Variants in PMEPA1 observed in about 807,000 individuals in gnomAD.
PMEPA1 encodes the protein protein TMEPAI.
PMEPA1 carries 11 observed loss-of-function variants against 23.0 expected under a neutral mutation model. The observed-to-expected ratio is 0.48, with a 90% CI of 0.30 to 0.79. The LOEUF (loss-of-function observed/expected upper bound fraction) is 0.79. PMEPA1 is among the 30% of genes least tolerant of loss of function. The pLI is 0.06. For synonymous variants in PMEPA1, 204 were observed against 166.4 expected, an observed-to-expected ratio of 1.23 and a Z score of -1.74; for missense variants, 377 against 390.9, an observed-to-expected ratio of 0.96 and a Z score of 0.30.
At position 57,682,481 on chromosome 20, in the gene PMEPA1, G is replaced by A. The variant is rs2071732862; in HGVS notation, c.110-22784C>T. 6.6e-6 allele frequency among the ~76,000 whole-genome samples: 1 copy of A among 152,164 alleles called. No homozygotes were observed. The highest frequency in any genetic ancestry group is 2.4e-5 in the African/African-American group (1 of 41,426). Reference sequence around the variant, plus strand: ...TCCCTGGAGTGTCGGGGTCCTAGGCGCCGGCCCAGAGGAGTTTCAAAGTCA... The same window carrying A: ...TCCCTGGAGTGTCGGGGTCCTAGGCACCGGCCCAGAGGAGTTTCAAAGTCA... On this transcript the variant is annotated intron_variant, in intron 1 of 3. Transcript: ENST00000341744. The surrounding 1 kb of genome is among the most constrained non-coding windows in gnomAD (Gnocchi z 4.4).
intron 1 of PMEPA1, among the ~76,000 whole-genome samples, chr20:57,699,169 A>T (rs2071979450): frequency 6.6e-6 from 1 of 152,206 alleles, no homozygotes; most frequent in Non-Finnish European, 1.5e-5. Context: ...CAGCTTGTGC[A>T]GTCTGTGGGT....
chr20:57,652,386 T>C lies in PMEPA1; in HGVS notation c.531A>G (p.Glu177=), dbSNP rs1406245452. 2 of 1,613,730 alleles carry C rather than the reference T, an allele frequency of 1.2e-6. No homozygotes were observed. Among genetic ancestry groups the C allele is most frequent in the Non-Finnish European group, 1.7e-6 (2 of 1,179,892 alleles). Residue 177 remains glutamate (E), a synonymous_variant, in exon 4 of 4, where the codon GAA becomes GAG. Coordinates refer to ENST00000341744, the MANE Select transcript of PMEPA1 (RefSeq NM_020182.5). The surrounding 1 kb of genome is among the most constrained non-coding windows in gnomAD (Gnocchi z 6.1). The part of the protein sequence containing the change: ...LQLRDPEQQL[E]LNRESVRAPP... Reference sequence around the variant, plus strand: ...GTGCGCGCACCGACTCCCGGTTCAGTTCCAGCTGCTGCTCGGGGTCCCGAA... The same window carrying C: ...GTGCGCGCACCGACTCCCGGTTCAGCTCCAGCTGCTGCTCGGGGTCCCGAA...
At chr20:57,698,803 G>A (rs1005233166) in intron 1 of PMEPA1, among the ~76,000 whole-genome samples, 28 of 152,160 alleles carry the variant, frequency 1.8e-4, no homozygotes, top group African/African-American at 6.0e-4. Flanking sequence ...AAGTCAGCAC[G>A]TACATATAGA....
At chr20:57,698,449 G>T (rs1191430761) in intron 1 of PMEPA1, among the ~76,000 whole-genome samples, 1 of 152,158 alleles carries the variant, frequency 6.6e-6, no homozygotes, top group Non-Finnish European at 1.5e-5. Flanking sequence ...ATAACGAGGA[G>T]GCATAGACAC....
At chr20:57,653,159 C>T (rs1033001641) in intron 2 of PMEPA1, 73 bp from the exon 3 acceptor site, 4 of 1,251,136 alleles carry the variant, frequency 3.2e-6, no homozygotes, top group Non-Finnish European at 3.4e-6. Context: ...AACCCAGATT[C>T]GACTCTTAGG....
chr20:57,701,841 C>T (rs1245696039), intron 1 of PMEPA1, among the ~76,000 whole-genome samples: 3 of 152,122 alleles, frequency 2.0e-5, no homozygotes, highest in Non-Finnish European at 4.4e-5. Context: ...TCCCTTCATC[C>T]AACGCACATG....
intron 1 of PMEPA1, among the ~76,000 whole-genome samples, chr20:57,664,488 A>G (rs1317073542): frequency 6.6e-6 from 1 of 152,200 alleles, no homozygotes; most frequent in Admixed American, 6.5e-5. Context: ...AGTTCAAAAC[A>G]TGATGTGTGT....
intron 1 of PMEPA1, among the ~76,000 whole-genome samples, chr20:57,661,126 T>C (rs2071413054): frequency 6.6e-6 from 1 of 152,184 alleles, no homozygotes; most frequent in Admixed American, 6.5e-5. Context: ...TTTCTAAGGT[T>C]GGGTTTTTTT....
intron 1 of PMEPA1, among the ~76,000 whole-genome samples, chr20:57,702,410 G>A (rs546757451): frequency 6.6e-5 from 10 of 152,324 alleles, no homozygotes; most frequent in Admixed American, 1.3e-4. Context: ...GACAAGGCAC[G>A]TGTGTTTTGG....
chr20:57,653,595 T>C (rs1385195356), intron 2 of PMEPA1, among the ~76,000 whole-genome samples: 1 of 152,232 alleles, frequency 6.6e-6, no homozygotes, highest in Non-Finnish European at 1.5e-5. Context: ...AATTTGAATG[T>C]AAAAACCACC....
At position 57,650,741 on chromosome 20, in the gene PMEPA1, A is replaced by G. The variant is rs2071214316; in HGVS notation, c.*1312T>C. On this transcript the variant is annotated 3_prime_UTR_variant, in exon 4 of 4. Coordinates refer to ENST00000341744, the MANE Select transcript of PMEPA1 (RefSeq NM_020182.5). ...CTTTCACCTATCCTGGGAGAAACCCAGGCTTGTCACCTTTTCATGTTGGGT... is the reference window on the plus strand; with the variant it reads ...CTTTCACCTATCCTGGGAGAAACCCGGGCTTGTCACCTTTTCATGTTGGGT... 1 of 151,918 alleles carries G rather than the reference A, an allele frequency of 6.6e-6. No individual in the cohort carries two copies. The highest frequency in any genetic ancestry group is 1.5e-5 in the Non-Finnish European group (1 of 68,052). 9.4% of individuals were successfully genotyped at this position (151,918 alleles called of 1,614,324 possible). A position where few individuals can be genotyped will look rare whatever the true frequency, so the allele number is the denominator to read the frequency against.
In PMEPA1 at chr20:57,652,927, G is replaced by T; in HGVS notation, c.318+106C>A. On this transcript the variant is annotated intron_variant, in intron 3 of 3. Transcript: ENST00000341744. The surrounding 1 kb of genome is among the most constrained non-coding windows in gnomAD (Gnocchi z 6.1). ...ATCCCAGCAGCAAGGGCACTGCAGA[G>T]GAGGGCGGAGGGGTGAGCCTTTAGC... The T allele has an allele frequency of 1.1e-6, 1 of 946,070 alleles. No individual in the cohort carries two copies. Among genetic ancestry groups the T allele is most frequent in the Non-Finnish European group, 1.7e-6 (1 of 600,956 alleles). The allele number at this position is 946,070 out of a possible 1,614,324, so 58.6% of individuals were successfully genotyped here.
At chr20:57,696,584 C>G (rs1008149266) in intron 1 of PMEPA1, among the ~76,000 whole-genome samples, 1 of 152,182 alleles carries the variant, frequency 6.6e-6, no homozygotes, top group Non-Finnish European at 1.5e-5. Context: ...GTAGGAATTG[C>G]TAGGGTTCAA....
chr20:57,699,712 C>T (rs977860680), intron 1 of PMEPA1, among the ~76,000 whole-genome samples: 2 of 152,202 alleles, frequency 1.3e-5, no homozygotes, highest in African/African-American at 4.8e-5. Context: ...TCTGAAAAAC[C>T]GATTCAGCTT....
chr20:57,670,785 C>G (rs62779), intron 1 of PMEPA1, among the ~76,000 whole-genome samples: 90,513 of 151,992 alleles, frequency 0.6, 27,358 homozygotes, highest in African/African-American at 0.72. Context: ...TTTGCAAAGG[C>G]CCACTCAGGT....
intron 1 of PMEPA1, among the ~76,000 whole-genome samples, chr20:57,668,911 A>G (rs965704736): frequency 2.0e-5 from 3 of 152,042 alleles, no homozygotes; most frequent in Admixed American, 6.6e-5. Context: ...CTCAGACTAA[A>G]ACAGCCCTCT....
At chr20:57,699,981 C>G in intron 1 of PMEPA1, 1 of 469,946 alleles carries the variant, frequency 2.1e-6, no homozygotes, top group Non-Finnish European at 4.4e-6. Flanking sequence ...ATTGTATATA[C>G]TTGAAGATAC....
intron 2 of PMEPA1, among the ~76,000 whole-genome samples, chr20:57,654,993 C>T (rs1311373595): frequency 6.6e-6 from 1 of 151,928 alleles, no homozygotes; most frequent in Non-Finnish European, 1.5e-5. Flanking sequence ...GGGCCCCCCG[C>T]TGCCTCCAGG....
rs2071266161 is a variant in PMEPA1 at position 57,652,641 on chromosome 20, G to A, written c.319-43C>T. ...GGAGTGAGGGAGGGCGGCTGTCTCAGGTGGGTTGTCCAGAAGCGATCCTGA... is the reference window on the plus strand; with the variant it reads ...GGAGTGAGGGAGGGCGGCTGTCTCAAGTGGGTTGTCCAGAAGCGATCCTGA... On this transcript the variant is annotated intron_variant, in intron 3 of 3. Transcript: ENST00000341744. This position sits in a 1 kb window ranked among gnomAD's most constrained non-coding sequence, Gnocchi z 6.1. The A allele has an allele frequency of 1.4e-6, 2 of 1,414,514 alleles. No homozygotes were observed. The highest frequency in any genetic ancestry group is 1.4e-5 in the African/African-American group (1 of 69,108). 87.6% of individuals were successfully genotyped at this position (1,414,514 alleles called of 1,614,324 possible).
Sources: allele counts gnomAD v4.1 joint callset (sites outside exome capture counted in the v4.1 genomes callset), GRCh38; gene constraint gnomAD v4.1.1; non-coding constraint Gnocchi (gnomAD v3.1); transcripts MANE v1.5; gene names NCBI Gene and HGNC (gene_info 2026-07-23, HGNC 2026-07-21).